LYPD4: variants seen among roughly 807,000 people sequenced by gnomAD.
The protein encoded by LYPD4 is LY6/PLAUR domain containing 4.
In LYPD4, 20 loss-of-function variants were observed where a neutral mutation model predicts 18.2. The ratio of observed to expected loss-of-function variants is 1.10; its 90% CI spans 0.77 to 1.59. The LOEUF (loss-of-function observed/expected upper bound fraction) is 1.59. Ranked by LOEUF, LYPD4 falls within the 40% of genes most tolerant of loss-of-function variation. LYPD4 has a pLI of 0.00. For missense variants in LYPD4, 278 were observed against 300.3 expected, an observed-to-expected ratio of 0.93 and a Z score of 0.55; for synonymous variants, 111 against 118.3, an observed-to-expected ratio of 0.94 and a Z score of 0.40.
At chr19:41,836,325 A>C (rs927163778), downstream of LYPD4, among the ~76,000 whole-genome samples, 13 of 133,528 alleles carry the variant, frequency 9.7e-5, no homozygotes, top group East Asian at 4.1e-4. Context: ...AAAAAAAAAA[A>C]AACAACTACT....
downstream of LYPD4, chr19:41,836,976 G>A: frequency 3.0e-6 from 4 of 1,327,464 alleles, no homozygotes; most frequent in Non-Finnish European, 3.0e-6. Context: ...CTGTCACTTT[G>A]CCAGGCTCCT....
rs2073766237 is a variant in LYPD4, at chr19:41,844,373, T to C, written c.-916A>G. 6.6e-6 allele frequency: 1 copy of C among 151,302 alleles called. No individual in the cohort carries two copies. The highest frequency in any genetic ancestry group is 2.4e-5 in the African/African-American group (1 of 41,078). The allele number at this position is 151,302 out of a possible 1,614,324, so 9.4% of individuals were successfully genotyped here. A position where few individuals can be genotyped will look rare whatever the true frequency, so the allele number is the denominator to read the frequency against. ...GGCATGAAGCACGGGAGAAAATGGG[T>C]CCGAAGAGGGAGAGCGTCCGAGAGA... On this transcript the variant is annotated 5_prime_UTR_variant, in exon 1 of 5. Transcript: ENST00000609812.
chr19:41,841,393 T>C (rs1415222086), intron 1 of LYPD4, among the ~76,000 whole-genome samples: 3 of 151,510 alleles, frequency 2.0e-5, no homozygotes, highest in Non-Finnish European at 4.4e-5. Context: ...TGGGAGTGCC[T>C]GTAGTCCCAG....
chr19:41,836,283 T>A (rs1327271906), downstream of LYPD4, among the ~76,000 whole-genome samples: 6 of 36,540 alleles, frequency 1.6e-4, no homozygotes, highest in Non-Finnish European at 2.5e-4. Flanking sequence ...ATTTGCCAAC[T>A]TACCAAAAAA....
In LYPD4 at chr19:41,839,219, G is replaced by A. The variant is rs1319369293; in HGVS notation, c.67C>T (p.Arg23Trp). Residue 23 changes from arginine to tryptophan, a missense_variant and splice_region_variant, in exon 2 of 5, where the codon CGG (arginine) becomes TGG (tryptophan). Coordinates refer to ENST00000609812, the MANE Select transcript of LYPD4 (RefSeq NM_173506.7). ...TAGCATCCAGCCCCACAGGACATAC[G>A]AGGCAGAGTGGAGATGGCCCCTAGA... ...CLLGAISTLP[R>W]AGALLCYEAT... The A allele has an allele frequency of 7.4e-6, 12 of 1,613,972 alleles. No homozygotes were observed. The highest frequency in any genetic ancestry group is 4.4e-5 in the South Asian group (4 of 91,076).
chr19:41,837,475 C>T, intron 4 of LYPD4, 130 bp from the exon 5 acceptor site: 1 of 959,882 alleles, frequency 1.0e-6, no homozygotes, highest in Non-Finnish European at 1.6e-6. Context: ...CACTTGAGGA[C>T]TTAAGGCCAG....
At chr19:41,836,250 C>G (rs1284019915), downstream of LYPD4, among the ~76,000 whole-genome samples, 1 of 130,126 alleles carries the variant, frequency 7.7e-6, no homozygotes, top group Non-Finnish European at 1.6e-5. Context: ...ACCACCCCAG[C>G]CCTGCTCTTT....
chr19:41,839,000 T>G lies in LYPD4; in HGVS notation c.92A>C (p.Glu31Ala), dbSNP rs1166399515. ...AGCTCTGAATCTTGAGGCTGTTGCTTCATAGCACAAAAGAGCTCCAGCCCC... is the reference window on the plus strand; with the variant it reads ...AGCTCTGAATCTTGAGGCTGTTGCTGCATAGCACAAAAGAGCTCCAGCCCC... Reference protein sequence around the residue: ...LPRAGALLCYEATASRFRAVA... With the variant: ...LPRAGALLCYAATASRFRAVA... The change falls in exon 3 of 5, where the codon GAA becomes GCA. Residue 31 changes from glutamate to alanine, a missense_variant. Physicochemically the swap from Glu to Ala is moderately radical, Grantham distance 107. Transcript: ENST00000609812. 1.7e-5 allele frequency: 27 copies of G among 1,613,762 alleles called. No homozygotes were observed. Among genetic ancestry groups the G allele is most frequent in the Non-Finnish European group, 2.2e-5 (26 of 1,179,982 alleles).
At chr19:41,835,291 C>G (rs1252472211), downstream of LYPD4, 3 of 152,216 alleles carry the variant, frequency 2.0e-5, no homozygotes, top group Non-Finnish European at 2.9e-5. Context: ...TGTTAAATCA[C>G]ACTCCACATC....
At chr19:41,840,938 A>C (rs1177926889) in intron 1 of LYPD4, among the ~76,000 whole-genome samples, 1 of 152,246 alleles carries the variant, frequency 6.6e-6, no homozygotes, top group Non-Finnish European at 1.5e-5. Flanking sequence ...GGAAATGTGA[A>C]GCATTAAAAA....
In LYPD4 at chr19:41,842,876, T is replaced by C. The variant is rs1398102593; in HGVS notation, c.-121+702A>G. On this transcript the variant is annotated intron_variant, in intron 1 of 4. Transcript: ENST00000609812. ...AGTGCTGATTATTACAAATAGTATATAACATAATATCACTTGCATAAATTA... is the reference window on the plus strand; with the variant it reads ...AGTGCTGATTATTACAAATAGTATACAACATAATATCACTTGCATAAATTA... 2.2e-5 allele frequency among the ~76,000 whole-genome samples: 3 copies of C among 136,390 alleles called. No individual in the cohort carries two copies. The East Asian group carries it at 6.6e-4, about 30-fold the overall frequency. 89.5% of individuals were successfully genotyped at this position (136,390 alleles called of 152,430 possible). A position where few individuals can be genotyped will look rare whatever the true frequency, so the allele number is the denominator to read the frequency against.
At chr19:41,835,149 C>T (rs1215700396), downstream of LYPD4, 1 of 151,998 alleles carries the variant, frequency 6.6e-6, no homozygotes, top group Non-Finnish European at 1.5e-5. Context: ...AAATCCAATC[C>T]AAGCCAAACT....
In LYPD4 at chr19:41,838,140, C is replaced by A; in HGVS notation, c.333G>T (p.Arg111=). The A allele has an allele frequency of 6.2e-7, 1 of 1,613,248 alleles. No homozygotes were observed. Among genetic ancestry groups the A allele is most frequent in the Admixed American group, 1.7e-5 (1 of 59,954 alleles). Residue 111 remains arginine, a synonymous_variant, in exon 4 of 5, where the codon CGG becomes CGT. Transcript: ENST00000609812. ...TGGTGAGGTTGTTGCAGAGATAAGA[C>A]CGGCAGACGCGACTGTAGGAGGCAA... The part of the protein sequence containing the change: ...VSIASYSRVC[R]SYLCNNLTNL...
chr19:41,835,758 C>G, downstream of LYPD4: 5 of 985,228 alleles, frequency 5.1e-6, no homozygotes, highest in Non-Finnish European at 6.0e-6. Flanking sequence ...GTCAGTCCCA[C>G]TTCTGAGGCC....
intron 1 of LYPD4, among the ~76,000 whole-genome samples, chr19:41,842,496 G>A (rs931312121): frequency 6.6e-6 from 1 of 151,940 alleles, no homozygotes; most frequent in African/African-American, 2.4e-5. Context: ...AGTGGCTCAC[G>A]CCTGTAATCC....
At chr19:41,840,094 T>TAC (rs1336543893) in intron 1 of LYPD4, among the ~76,000 whole-genome samples, 1 of 151,142 alleles carries the variant, frequency 6.6e-6, no homozygotes, top group Non-Finnish European at 1.5e-5. Context: ...ATAAACATAT[T>TAC]ACATAACACA....
At position 41,843,659 on chromosome 19, in the gene LYPD4, G is replaced by C. The variant is rs1174559262; in HGVS notation, c.-202C>G. 1 of 151,904 alleles carries C rather than the reference G, an allele frequency of 6.6e-6. No individual in the cohort carries two copies. The highest frequency in any genetic ancestry group is 1.5e-5 in the Non-Finnish European group (1 of 68,062). The allele number at this position is 151,904 out of a possible 1,614,324, so 9.4% of individuals were successfully genotyped here. On this transcript the variant is annotated 5_prime_UTR_variant, in exon 1 of 5. Transcript: ENST00000609812. ...TCGGCCACCCTTTTCTGCCTGCAAT[G>C]CCTCAGACACACATGCTCTGTAACC...
intron 1 of LYPD4, among the ~76,000 whole-genome samples, chr19:41,841,986 C>T (rs1555833645): frequency 6.6e-6 from 1 of 152,166 alleles, no homozygotes; most frequent in Admixed American, 6.5e-5. Flanking sequence ...TACCCATTTC[C>T]AGTATACCCT....
rs782053533 is a variant in LYPD4, at chr19:41,838,144, C to T, written c.329G>A (p.Cys110Tyr). Residue 110 changes from cysteine to tyrosine, a missense_variant, in exon 4 of 5, where the codon TGC (cysteine) becomes TAC (tyrosine). Physicochemically the swap from Cys to Tyr is radical, Grantham distance 194. Transcript: ENST00000609812. ...GAGGTTGTTGCAGAGATAAGACCGG[C>T]AGACGCGACTGTAGGAGGCAATGGA... ...GVSIASYSRV[C>Y]RSYLCNNLTN... The T allele has an allele frequency of 4.8e-5, 78 of 1,612,870 alleles. 1 individual carries two copies. In the Middle Eastern group the frequency reaches 4.9e-4, roughly 10 times the overall value.
Sources: gnomAD v4.1 joint callset for allele counts (sites outside exome capture counted in the v4.1 genomes callset) on GRCh38, gnomAD v4.1.1 for gene constraint, MANE v1.5 for transcripts, NCBI Gene and HGNC (gene_info 2026-07-23, HGNC 2026-07-21) for gene names.